Variants in PPP1R1C observed in about 807,000 individuals in gnomAD.
The protein encoded by PPP1R1C is protein phosphatase 1 regulatory inhibitor subunit 1C.
Under a neutral mutation model 17.4 loss-of-function variants are expected in PPP1R1C, and 15 were observed. That is an observed-to-expected ratio of 0.86 (90% CI 0.58 to 1.33). The LOEUF (loss-of-function observed/expected upper bound fraction) is 1.33. Ranked by LOEUF, PPP1R1C falls within the 40% of genes most tolerant of loss-of-function variation. The probability of loss-of-function intolerance (pLI) is 0.00; values close to 1 mark genes in which losing one functional copy is unlikely to be tolerated. For missense variants in PPP1R1C, 143 were observed against 130.0 expected, an observed-to-expected ratio of 1.10 and a Z score of -0.48; for synonymous variants, 35 against 43.1, an observed-to-expected ratio of 0.81 and a Z score of 0.73.
chr2:182,110,358 A>C (rs1689380303), intron 4 of PPP1R1C, among the ~76,000 whole-genome samples: 1 of 152,188 alleles, frequency 6.6e-6, no homozygotes. Flanking sequence ...CAGAATGTTT[A>C]TTTATCAATT....
intron 4 of PPP1R1C, among the ~76,000 whole-genome samples, chr2:182,113,072 T>G (rs1365913449): frequency 1.3e-5 from 2 of 152,328 alleles, no homozygotes; most frequent in East Asian, 3.9e-4. Context: ...GGTTACGTGT[T>G]CACCCTGCTA....
upstream of PPP1R1C, among the ~76,000 whole-genome samples, chr2:181,981,636 G>A (rs1247864368): frequency 6.6e-6 from 1 of 152,166 alleles, no homozygotes; most frequent in Non-Finnish European, 1.5e-5. Flanking sequence ...ATATTAATAT[G>A]AAGGTTTTGG....
intron 2 of PPP1R1C, among the ~76,000 whole-genome samples, chr2:182,057,232 C>T (rs954208695): frequency 3.3e-5 from 5 of 151,962 alleles, no homozygotes; most frequent in African/African-American, 1.2e-4. Flanking sequence ...TTGCAGGTTG[C>T]CTGGGGAGAT....
intron 2 of PPP1R1C, among the ~76,000 whole-genome samples, chr2:182,027,538 G>T (rs1686657718): frequency 5.5e-5 from 2 of 36,280 alleles, no homozygotes; most frequent in Admixed American, 3.5e-4. Flanking sequence ...TATTGAACCA[G>T]CCTTGCATCC....
chr2:182,021,578 G>A (rs1269576274), intron 2 of PPP1R1C, among the ~76,000 whole-genome samples: 3 of 151,772 alleles, frequency 2.0e-5, no homozygotes, highest in Admixed American at 6.6e-5. Flanking sequence ...CTCCCACCTC[G>A]GCCTCCCAAA....
intron 2 of PPP1R1C, among the ~76,000 whole-genome samples, chr2:182,057,304 G>A (rs916877314): frequency 1.3e-5 from 2 of 152,152 alleles, no homozygotes; most frequent in Non-Finnish European, 2.9e-5. Flanking sequence ...CAGGAGTAAA[G>A]GAAGTGCTGT....
At chr2:181,981,213 C>T (rs1685189658), upstream of PPP1R1C, among the ~76,000 whole-genome samples, 1 of 152,100 alleles carries the variant, frequency 6.6e-6, no homozygotes, top group Non-Finnish European at 1.5e-5. Context: ...CAGGCGTGAG[C>T]CACCGTGCCC....
intron 2 of PPP1R1C, among the ~76,000 whole-genome samples, chr2:182,012,929 C>T (rs1358947221): frequency 6.6e-6 from 1 of 152,048 alleles, no homozygotes; most frequent in Admixed American, 6.5e-5. Context: ...CATACACCCC[C>T]ACCGCTTTTT....
At chr2:182,124,503 A>T (rs1363760125) in intron 5 of PPP1R1C, among the ~76,000 whole-genome samples, 2 of 151,620 alleles carry the variant, frequency 1.3e-5, no homozygotes, top group Non-Finnish European at 2.9e-5. Flanking sequence ...GGCCATTTTC[A>T]TGATATTGAC....
At chr2:182,040,873 T>A (rs1392991048) in intron 2 of PPP1R1C, among the ~76,000 whole-genome samples, 1 of 152,160 alleles carries the variant, frequency 6.6e-6, no homozygotes, top group Non-Finnish European at 1.5e-5. Flanking sequence ...ACATGTGGCT[T>A]GCCAGTTTTC....
rs139488280 is a variant in PPP1R1C at position 182,032,382 on chromosome 2, G to C, written c.143-29060G>C. Reference sequence around the variant, plus strand: ...TGCAAACCCATTACTCTGCACTACTGGTTCGTTTTTCCATAATACTTATTA... The same window carrying C: ...TGCAAACCCATTACTCTGCACTACTCGTTCGTTTTTCCATAATACTTATTA... On this transcript the variant is annotated intron_variant, in intron 2 of 4. Coordinates refer to ENST00000682840, the MANE Select transcript of PPP1R1C (RefSeq NM_001080545.3). 5.5e-3 allele frequency among the ~76,000 whole-genome samples: 835 copies of C among 152,100 alleles called. 9 individuals are homozygous for C. The highest frequency in any genetic ancestry group is 0.019 in the African/African-American group (794 of 41,460).
At chr2:181,987,953 G>T in intron 2 of PPP1R1C, 54 bp downstream of exon 2, 1 of 1,439,956 alleles carries the variant, frequency 6.9e-7, no homozygotes, top group Non-Finnish European at 9.6e-7. Flanking sequence ...ATTGTTTAAA[G>T]AACATCAAAG....
intron 5 of PPP1R1C, among the ~76,000 whole-genome samples, chr2:182,122,977 G>A (rs12473915): frequency 0.24 from 37,078 of 152,020 alleles, 5,084 homozygotes; most frequent in African/African-American, 0.37. Flanking sequence ...TCTACATTAG[G>A]TATTTCTCCT....
intron 2 of PPP1R1C, among the ~76,000 whole-genome samples, chr2:182,020,060 G>A (rs1382960752): frequency 6.6e-6 from 1 of 152,180 alleles, no homozygotes; most frequent in African/African-American, 2.4e-5. Context: ...ATTTAATATT[G>A]AAGCCTCATT....
At chr2:182,008,400 G>A (rs1453344077) in intron 2 of PPP1R1C, among the ~76,000 whole-genome samples, 1 of 152,108 alleles carries the variant, frequency 6.6e-6, no homozygotes, top group East Asian at 1.9e-4. Flanking sequence ...TTACTTTGAA[G>A]GTAGTAGTGT....
upstream of PPP1R1C, among the ~76,000 whole-genome samples, chr2:181,983,073 G>A (rs1324055300): frequency 6.6e-6 from 1 of 152,048 alleles, no homozygotes; most frequent in Non-Finnish European, 1.5e-5. Flanking sequence ...CATGCTACTT[G>A]CTTCTCTTTC....
upstream of PPP1R1C, among the ~76,000 whole-genome samples, chr2:181,983,153 G>A (rs532083075): frequency 1.6e-4 from 25 of 152,192 alleles, no homozygotes; most frequent in South Asian, 1.5e-3. Flanking sequence ...TAACCACTGC[G>A]GAGATTCTGT....
At chr2:182,103,715 C>T (rs1005873550) in intron 4 of PPP1R1C, 2 of 152,154 alleles carry the variant, frequency 1.3e-5, no homozygotes, top group African/African-American at 4.8e-5. Flanking sequence ...TGCATGTCCT[C>T]AGGTCAAGCA....
At chr2:182,074,972 A>G (rs1403835942) in intron 4 of PPP1R1C, among the ~76,000 whole-genome samples, 1 of 152,236 alleles carries the variant, frequency 6.6e-6, no homozygotes. Context: ...GAAGGTTTAC[A>G]GTTTTGGATT....
Sources: allele counts gnomAD v4.1 joint callset (sites outside exome capture counted in the v4.1 genomes callset), GRCh38; gene constraint gnomAD v4.1.1; transcripts MANE v1.5; gene names NCBI Gene and HGNC (gene_info 2026-07-23, HGNC 2026-07-21).